The following TMEM131L variants were observed in gnomAD, a reference collection of about 807,000 sequenced individuals.
The protein encoded by TMEM131L is transmembrane 131 like.
Under a neutral mutation model 192.2 loss-of-function variants are expected in TMEM131L, and 54 were observed. That is an observed-to-expected ratio of 0.28 (90% CI 0.23 to 0.35). The LOEUF (loss-of-function observed/expected upper bound fraction) is 0.35. TMEM131L is among the 10% of genes least tolerant of loss of function. TMEM131L has a pLI of 1.00. For synonymous variants in TMEM131L, 701 were observed against 704.9 expected (o/e 0.99, Z 0.09); for missense variants, 1,888 against 1,972.9 (o/e 0.96, Z 0.82).
chr4:153,509,205 A>AC (rs1491178266), intron 3 of TMEM131L, among the ~76,000 whole-genome samples: 85 of 148,836 alleles, frequency 5.7e-4, no homozygotes, highest in African/African-American at 2.0e-3. Flanking sequence ...AACAAAAAAA[A>AC]CAAAAATTAA....
chr4:153,591,969 G>T (rs989271191), intron 17 of TMEM131L, among the ~76,000 whole-genome samples: 1 of 152,026 alleles, frequency 6.6e-6, no homozygotes. Context: ...ATGTATCTTT[G>T]TGAGCCATCT....
Position 153,562,106 on chromosome 4 carries a change from C to T in TMEM131L, c.660+3738C>T, listed in dbSNP as rs187892986. ...AGGCTAGAGTGCAGTGGTGCGATCTCAGCTCACTGCAACCTCCGCCTCCTG... is the reference window on the plus strand; with the variant it reads ...AGGCTAGAGTGCAGTGGTGCGATCTTAGCTCACTGCAACCTCCGCCTCCTG... On this transcript the variant is annotated intron_variant, in intron 7 of 34. Coordinates refer to ENST00000409959, the MANE Select transcript of TMEM131L (RefSeq NM_001131007.2). Among the ~76,000 whole-genome samples, 1,496 of 150,920 alleles carry T rather than the reference C, an allele frequency of 9.9e-3. 10 individuals carry two copies. Among genetic ancestry groups the T allele is most frequent in the Middle Eastern group, 0.02 (6 of 294 alleles).
intron 3 of TMEM131L, among the ~76,000 whole-genome samples, chr4:153,535,719 C>T (rs1736267562): frequency 6.6e-6 from 1 of 152,184 alleles, no homozygotes. Flanking sequence ...TCGTTCTGAA[C>T]ATCTTTAATA....
chr4:153,616,305 G>A (rs572479846), intron 26 of TMEM131L, among the ~76,000 whole-genome samples: 2 of 152,314 alleles, frequency 1.3e-5, no homozygotes, highest in South Asian at 4.1e-4. Flanking sequence ...TCCTTGTTTT[G>A]TAGAGCTGTT....
intron 25 of TMEM131L, among the ~76,000 whole-genome samples, chr4:153,608,194 G>GA (rs1253009799): frequency 1.3e-5 from 2 of 152,140 alleles, no homozygotes; most frequent in African/African-American, 4.8e-5. Flanking sequence ...GCCTGCTTCG[G>GA]AGAGGCCTGT....
intron 17 of TMEM131L, among the ~76,000 whole-genome samples, chr4:153,591,993 T>C (rs1300447247): frequency 6.6e-6 from 1 of 152,176 alleles, no homozygotes; most frequent in East Asian, 1.9e-4. Context: ...TGTCAGACGT[T>C]ACGCCCTCTT....
chr4:153,553,555 T>G (rs950933532), intron 4 of TMEM131L, among the ~76,000 whole-genome samples: 7 of 152,176 alleles, frequency 4.6e-5, no homozygotes, highest in African/African-American at 1.7e-4. Flanking sequence ...GTCTAATATA[T>G]AGACATTAGA....
At chr4:153,591,255 A>T in intron 17 of TMEM131L, 61 bp downstream of exon 17, 1 of 1,455,620 alleles carries the variant, frequency 6.9e-7, no homozygotes, top group Non-Finnish European at 9.2e-7. Flanking sequence ...GGGTTTTCAA[A>T]GTACCAGATT....
chr4:153,623,109 A>G, intron 29 of TMEM131L, 26 bp downstream of exon 29: 3 of 1,530,062 alleles, frequency 2.0e-6, no homozygotes, highest in Non-Finnish European at 2.6e-6. Flanking sequence ...AGCCCCAGGC[A>G]CTCTCGGTGG....
chr4:153,534,591 G>A (rs1244485052), intron 3 of TMEM131L, among the ~76,000 whole-genome samples: 1 of 152,038 alleles, frequency 6.6e-6, no homozygotes, highest in Non-Finnish European at 1.5e-5. Flanking sequence ...GTGCTACCAC[G>A]CCCGGCTAAT....
intron 3 of TMEM131L, among the ~76,000 whole-genome samples, chr4:153,545,594 T>C (rs1037674927): frequency 1.3e-5 from 2 of 152,154 alleles, no homozygotes; most frequent in African/African-American, 4.8e-5. Flanking sequence ...GCCCAAACTG[T>C]TTCTTTGTTG....
intron 3 of TMEM131L, among the ~76,000 whole-genome samples, chr4:153,479,912 C>A (rs1366366676): frequency 2.0e-5 from 3 of 152,208 alleles, no homozygotes; most frequent in Non-Finnish European, 2.9e-5. Context: ...CTTTGTTATT[C>A]AGAAATGGAA....
At chr4:153,606,456 T>C (rs1242527263) in intron 25 of TMEM131L, among the ~76,000 whole-genome samples, 1 of 152,184 alleles carries the variant, frequency 6.6e-6, no homozygotes, top group Non-Finnish European at 1.5e-5. Context: ...AGTTGAAATA[T>C]AAAGGCATGG....
At chr4:153,466,588 T>G (rs1213270146) in intron 1 of TMEM131L, 67 bp downstream of exon 1, 1 of 1,242,582 alleles carries the variant, frequency 8.0e-7, no homozygotes, top group Non-Finnish European at 1.0e-6. Context: ...TTTAGGGAAC[T>G]GCTGAAATCT....
chr4:153,578,073 C>T (rs759668160), intron 7 of TMEM131L, among the ~76,000 whole-genome samples: 6 of 152,104 alleles, frequency 3.9e-5, no homozygotes, highest in Non-Finnish European at 8.8e-5. Flanking sequence ...AAAGAAAAAC[C>T]GAGAGGGACA....
chr4:153,511,001 T>G (rs936267863), intron 3 of TMEM131L, among the ~76,000 whole-genome samples: 3 of 152,224 alleles, frequency 2.0e-5, no homozygotes, highest in Admixed American at 2.0e-4. Context: ...CAAAAAGACC[T>G]TTTTCCAAGG....
chr4:153,528,029 T>C (rs919122858), intron 3 of TMEM131L, among the ~76,000 whole-genome samples: 3 of 152,234 alleles, frequency 2.0e-5, no homozygotes, highest in Non-Finnish European at 2.9e-5. Flanking sequence ...CCTCACCGTC[T>C]GGTCTGAATT....
At chr4:153,477,786 G>A (rs1380897343) in intron 3 of TMEM131L, among the ~76,000 whole-genome samples, 1 of 151,954 alleles carries the variant, frequency 6.6e-6, no homozygotes, top group Non-Finnish European at 1.5e-5. Context: ...ATCACCTACT[G>A]GCTTTATTTA....
intron 11 of TMEM131L, among the ~76,000 whole-genome samples, chr4:153,583,987 ATCTC>A (rs546287459): frequency 2.9e-4 from 44 of 152,280 alleles, no homozygotes; most frequent in African/African-American, 1.0e-3. Context: ...AAATTGGCAA[ATCTC>A]TATGAAAATT....
Sources: gnomAD v4.1 joint callset for allele counts (sites outside exome capture counted in the v4.1 genomes callset) on GRCh38, gnomAD v4.1.1 for gene constraint, MANE v1.5 for transcripts, NCBI Gene and HGNC (gene_info 2026-07-23, HGNC 2026-07-21) for gene names.